The following TTC28 variants were observed in gnomAD, a reference collection of about 807,000 sequenced individuals.
TTC28 encodes tetratricopeptide repeat protein 28.
A neutral mutation model predicts 198.0 loss-of-function variants in TTC28; 61 were observed. The observed-to-expected ratio is 0.31, with a 90% CI of 0.25 to 0.38. TTC28 has a LOEUF of 0.38. Ranked by LOEUF, TTC28 falls within the 10% of genes least tolerant of loss-of-function variation. TTC28 has a pLI of 1.00. For missense variants in TTC28, 2,678 were observed against 3,164.0 expected, an observed-to-expected ratio of 0.85 and a Z score of 3.69; for synonymous variants, 1,171 against 1,297.8, an observed-to-expected ratio of 0.90 and a Z score of 2.10.
intron 12 of TTC28, among the ~76,000 whole-genome samples, chr22:28,073,205 T>G (rs996718034): frequency 1.3e-5 from 2 of 152,108 alleles, no homozygotes; most frequent in African/African-American, 4.8e-5. Flanking sequence ...AGATGGAGGC[T>G]TTCAAATAAA....
chr22:28,069,919 TG>T (rs1940899189), intron 12 of TTC28, among the ~76,000 whole-genome samples: 1 of 128,272 alleles, frequency 7.8e-6, no homozygotes, highest in Non-Finnish European at 1.6e-5. Context: ...ATTGAAAGGT[TG>T]TACAAACACA....
intron 2 of TTC28, among the ~76,000 whole-genome samples, chr22:28,559,620 A>G (rs2049839094): frequency 6.6e-6 from 1 of 152,158 alleles, no homozygotes; most frequent in South Asian, 2.1e-4. Context: ...TCCATCATCC[A>G]TCCTATAACC....
chr22:28,640,599 G>A (rs1255359471), intron 1 of TTC28, among the ~76,000 whole-genome samples: 2 of 121,824 alleles, frequency 1.6e-5, no homozygotes, highest in Non-Finnish European at 3.7e-5. Flanking sequence ...AATAAACAGA[G>A]AAAATGTTAA....
chr22:28,677,774 C>T (rs572326337), intron 1 of TTC28, among the ~76,000 whole-genome samples: 1 of 151,886 alleles, frequency 6.6e-6, no homozygotes, highest in Non-Finnish European at 1.5e-5. Flanking sequence ...CTCCTCTCTA[C>T]TAAAAATACA....
intron 2 of TTC28, among the ~76,000 whole-genome samples, chr22:28,496,029 CCCT>C (rs1405592170): frequency 6.6e-6 from 1 of 152,086 alleles, no homozygotes; most frequent in Non-Finnish European, 1.5e-5. Context: ...GCTCATTGCT[CCCT>C]CCTCCTTAAA....
At chr22:28,498,696 A>G (rs2048493111) in intron 2 of TTC28, among the ~76,000 whole-genome samples, 1 of 152,194 alleles carries the variant, frequency 6.6e-6, no homozygotes, top group African/African-American at 2.4e-5. Context: ...ACATCTAATC[A>G]TAATTCTGGG....
intron 1 of TTC28, among the ~76,000 whole-genome samples, chr22:28,645,286 G>A (rs976527168): frequency 6.6e-5 from 10 of 152,084 alleles, no homozygotes; most frequent in African/African-American, 2.4e-4. Context: ...GAACACAGAT[G>A]CAAAAATCCT....
In TTC28 at chr22:27,982,467, C is replaced by T. The variant is rs976895689; in HGVS notation, c.7200G>A (p.Arg2400=). 1 of 1,551,496 alleles carries T rather than the reference C, an allele frequency of 6.4e-7. No homozygotes were observed. Among genetic ancestry groups the T allele is most frequent in the African/African-American group, 1.4e-5 (1 of 73,098 alleles). The change falls in exon 23 of 23, where the codon CGG becomes CGA. Residue 2400 remains arginine (R), a synonymous_variant. Coordinates refer to ENST00000397906, the MANE Select transcript of TTC28 (RefSeq NM_001145418.2). This position sits in a 1 kb window ranked among gnomAD's most constrained non-coding sequence, Gnocchi z 5.2. The stretch of plus-strand genomic sequence containing the variant: ...CCACTCCCTCCTCCTTCTTATTGTG[C>T]CGTGGTGACAAATTCAACAGACTGA... ...DVLSLLNLSP[R]HNKKEEGVDK... is the part of the protein sequence containing the mutation.
intron 2 of TTC28, among the ~76,000 whole-genome samples, chr22:28,485,060 C>T (rs1484297032): frequency 6.6e-6 from 1 of 152,128 alleles, no homozygotes; most frequent in Non-Finnish European, 1.5e-5. Context: ...CTTCAACTGC[C>T]AGATATCAGC....
chr22:28,622,844 C>A (rs191863091), intron 2 of TTC28, among the ~76,000 whole-genome samples: 2 of 150,098 alleles, frequency 1.3e-5, no homozygotes, highest in African/African-American at 4.9e-5. Context: ...TTTTTTGAGA[C>A]AGAGTCTTGC....
intron 2 of TTC28, among the ~76,000 whole-genome samples, chr22:28,619,601 G>C (rs560489083): frequency 6.6e-6 from 1 of 152,280 alleles, no homozygotes; most frequent in African/African-American, 2.4e-5. Flanking sequence ...GAAATACAAA[G>C]TGTCTTCAAA....
chr22:28,611,134 G>C (rs2146149490), intron 2 of TTC28, among the ~76,000 whole-genome samples: 1 of 152,298 alleles, frequency 6.6e-6, no homozygotes, highest in Middle Eastern at 3.4e-3. Flanking sequence ...ATGGAACCAA[G>C]TTGGAAAACA....
rs185023083 is a variant in TTC28, at chr22:28,051,676, C to T, written c.3933-21310G>A. 1.4e-4 allele frequency among the ~76,000 whole-genome samples: 21 copies of T among 152,306 alleles called. 1 individual carries two copies. Among genetic ancestry groups the T allele is most frequent in the Admixed American group, 1.4e-3 (21 of 15,290 alleles). On this transcript the variant is annotated intron_variant, in intron 12 of 22. Transcript: ENST00000397906. ...AGATTTTGAAAAGCTGTTGTCACGTCATGAAAGCCCCCAAACACAACTTAA... is the reference window on the plus strand; with the variant it reads ...AGATTTTGAAAAGCTGTTGTCACGTTATGAAAGCCCCCAAACACAACTTAA...
At chr22:28,347,271 G>GAA (rs201082591) in intron 2 of TTC28, among the ~76,000 whole-genome samples, 140 of 115,852 alleles carry the variant, frequency 1.2e-3, no homozygotes, top group East Asian at 1.9e-3. Context: ...CTCAAAAGAG[G>GAA]AAAAAAAAAA....
At chr22:28,138,587 T>C (rs1038880177) in intron 6 of TTC28, among the ~76,000 whole-genome samples, 1 of 152,204 alleles carries the variant, frequency 6.6e-6, no homozygotes, top group Non-Finnish European at 1.5e-5. Flanking sequence ...CGGGAATATG[T>C]TGCTGTTTAG....
At chr22:28,148,223 G>A (rs546941266) in intron 6 of TTC28, among the ~76,000 whole-genome samples, 123 of 152,310 alleles carry the variant, frequency 8.1e-4, no homozygotes, top group African/African-American at 2.8e-3. Flanking sequence ...ACTGTAAGGA[G>A]TAAAATTAAA....
intron 6 of TTC28, among the ~76,000 whole-genome samples, chr22:28,129,478 C>G (rs182532922): frequency 6.6e-6 from 1 of 152,162 alleles, no homozygotes; most frequent in African/African-American, 2.4e-5. Flanking sequence ...AGGAGCTTGG[C>G]GGTCAAGGAT....
At chr22:28,152,482 A>G (rs956288159) in intron 6 of TTC28, among the ~76,000 whole-genome samples, 2 of 152,196 alleles carry the variant, frequency 1.3e-5, no homozygotes, top group African/African-American at 4.8e-5. Context: ...CAAGAACTCA[A>G]GTCTTATCCT....
At chr22:28,215,121 G>A (rs926735802) in intron 5 of TTC28, among the ~76,000 whole-genome samples, 13 of 152,100 alleles carry the variant, frequency 8.5e-5, no homozygotes, top group African/African-American at 2.2e-4. Context: ...ATCACACACC[G>A]GGGCCTGTGG....
Sources: allele counts gnomAD v4.1 joint callset (sites outside exome capture counted in the v4.1 genomes callset), GRCh38; gene constraint gnomAD v4.1.1; non-coding constraint Gnocchi (gnomAD v3.1); transcripts MANE v1.5; gene names NCBI Gene and HGNC (gene_info 2026-07-23, HGNC 2026-07-21).